EFEMP1: variants seen among roughly 807,000 people sequenced by gnomAD.
The protein encoded by EFEMP1 is EGF-like fibulin extracellular matrix protein 1, also known as EGF-containing fibulin-like extracellular matrix protein 1.
In EFEMP1, 18 loss-of-function variants were observed where a neutral mutation model predicts 65.7. The ratio of observed to expected loss-of-function variants is 0.27; its 90% CI spans 0.19 to 0.41. EFEMP1 has a LOEUF of 0.41. Among genes scored for constraint, EFEMP1 ranks in the 10% least tolerant of loss-of-function variants. The pLI is 1.00. For missense variants in EFEMP1, 469 were observed against 624.8 expected (o/e 0.75, Z 2.66); for synonymous variants, 237 against 219.7 (o/e 1.08, Z -0.70).
At position 55,875,043 on chromosome 2, in the gene EFEMP1, T is replaced by C. The variant is rs1488108604; in HGVS notation, c.903A>G (p.Ser301=). ...NCEDIDECRT[S]SYLCQYQCVN... is the part of the protein sequence containing the mutation. ...CACATTGATATTGACACAGGTAGCT[T>C]GAGGTTCTGCATTCATCAATGTCTG... The change falls in exon 9 of 12, where the codon TCA becomes TCG. Residue 301 remains serine (S), a synonymous_variant. Transcript: ENST00000355426. The C allele has an allele frequency of 1.2e-6, 2 of 1,605,068 alleles. No individual in the cohort carries two copies. The highest frequency in any genetic ancestry group is 1.7e-6 in the Non-Finnish European group (2 of 1,174,908).
In EFEMP1 at chr2:55,877,835, C is replaced by A; in HGVS notation, c.671G>T (p.Cys224Phe). The change falls in exon 7 of 12, where the codon TGC becomes TTC. Residue 224 changes from cysteine to phenylalanine, a missense_variant. Coordinates refer to ENST00000355426, the MANE Select transcript of EFEMP1 (RefSeq NM_001039348.3). The surrounding 1 kb of genome is among the most constrained non-coding windows in gnomAD (Gnocchi z 4.5). Reference protein sequence around the residue: ...DIDECTIPPYCHQRCVNTPGS... With the variant: ...DIDECTIPPYFHQRCVNTPGS... The stretch of plus-strand genomic sequence containing the variant: ...TGGTGTATTCACGCATCTTTGGTGG[C>A]AATATGGAGGGATGGTACATTCATC... 1 of 1,613,102 alleles carries A rather than the reference C, an allele frequency of 6.2e-7. No homozygotes were observed. Among genetic ancestry groups the A allele is most frequent in the Non-Finnish European group, 8.5e-7 (1 of 1,179,294 alleles).
At chr2:55,898,098 G>A (rs1669896805) in intron 5 of EFEMP1, among the ~76,000 whole-genome samples, 1 of 152,110 alleles carries the variant, frequency 6.6e-6, no homozygotes, top group South Asian at 2.1e-4. Context: ...TACGATTAAC[G>A]AACATTTTAC....
intron 5 of EFEMP1, among the ~76,000 whole-genome samples, chr2:55,899,956 T>C (rs3791664): frequency 0.24 from 35,988 of 151,508 alleles, 4,587 homozygotes; most frequent in East Asian, 0.56. Context: ...AACTCTGGTT[T>C]CAGTTTAATT....
Position 55,922,553 on chromosome 2 carries a change from G to C in EFEMP1, c.-7-106C>G. On this transcript the variant is annotated intron_variant, in intron 2 of 11. Transcript: ENST00000355426. This position sits in a 1 kb window ranked among gnomAD's most constrained non-coding sequence, Gnocchi z 5.5. ...AGGAAAGGAGGGTGGGAGAGGCTGA[G>C]GCTCCACCATACTCAACTTCCAATC... is the stretch of plus-strand genomic sequence containing the variant. 2.0e-6 allele frequency: 2 copies of C among 1,016,854 alleles called. No individual in the cohort carries two copies. Among genetic ancestry groups the C allele is most frequent in the East Asian group, 2.5e-5 (1 of 39,894 alleles). The allele number at this position is 1,016,854 out of a possible 1,614,324, so 63.0% of individuals were successfully genotyped here. A position where few individuals can be genotyped will look rare whatever the true frequency, so the allele number is the denominator to read the frequency against.
intron 5 of EFEMP1, among the ~76,000 whole-genome samples, chr2:55,894,974 C>T (rs553343548): frequency 1.3e-5 from 2 of 152,178 alleles, no homozygotes; most frequent in Non-Finnish European, 2.9e-5. Flanking sequence ...TGCATTTGCC[C>T]CTGAGACCAT....
intron 5 of EFEMP1, among the ~76,000 whole-genome samples, chr2:55,888,260 A>G (rs1228969943): frequency 6.6e-6 from 1 of 151,842 alleles, no homozygotes; most frequent in African/African-American, 2.4e-5. Flanking sequence ...ATGATTGTTA[A>G]TTGTTAGGAG....
At chr2:55,905,001 T>G (rs1206078382) in intron 5 of EFEMP1, among the ~76,000 whole-genome samples, 5 of 131,812 alleles carry the variant, frequency 3.8e-5, no homozygotes, top group Admixed American at 7.8e-5. Flanking sequence ...TTTTTTTTTT[T>G]GCTGAGCAAC....
Position 55,914,315 on chromosome 2 carries a change from A to G in EFEMP1, c.517+3350T>C, listed in dbSNP as rs548436921. ...CCTCATTTAGCAAAAAATTACCTGA[A>G]AAAAACCTGCTCACTGTGACCTGAT... On this transcript the variant is annotated intron_variant, in intron 5 of 11. Coordinates refer to ENST00000355426, the MANE Select transcript of EFEMP1 (RefSeq NM_001039348.3). Among the ~76,000 whole-genome samples, 16 of 152,326 alleles carry G rather than the reference A, an allele frequency of 1.1e-4. No homozygotes were observed. In the South Asian group the frequency reaches 2.1e-3, roughly 20 times the overall value.
At chr2:55,901,401 T>G (rs1670026263) in intron 5 of EFEMP1, among the ~76,000 whole-genome samples, 1 of 152,174 alleles carries the variant, frequency 6.6e-6, no homozygotes, top group Admixed American at 6.5e-5. Context: ...GATGGAATCA[T>G]TTATGAGTGT....
chr2:55,921,738 C>T lies in EFEMP1; in HGVS notation c.81+622G>A, dbSNP rs568288589. Among the ~76,000 whole-genome samples, 22 of 152,274 alleles carry T rather than the reference C, an allele frequency of 1.4e-4. No individual in the cohort carries two copies. In the East Asian group the frequency reaches 2.7e-3, roughly 19 times the overall value. ...AAATATTACTTGGAAATATCAGAGA[C>T]GCTAATTAGAAAATGCAAAACGGAG... On this transcript the variant is annotated intron_variant, in intron 3 of 11. Coordinates refer to ENST00000355426, the MANE Select transcript of EFEMP1 (RefSeq NM_001039348.3). This position sits in a 1 kb window ranked among gnomAD's most constrained non-coding sequence, Gnocchi z 4.1.
intron 8 of EFEMP1, 49 bp downstream of exon 8, chr2:55,876,574 C>G: frequency 6.2e-7 from 1 of 1,601,806 alleles, no homozygotes. Flanking sequence ...AAAACAACAG[C>G]AGTCACAGGA....
chr2:55,914,591 T>C (rs1283865754), intron 5 of EFEMP1, among the ~76,000 whole-genome samples: 1 of 152,250 alleles, frequency 6.6e-6, no homozygotes, highest in Non-Finnish European at 1.5e-5. Context: ...TGAAACACAG[T>C]ACAGATTTCA....
chr2:55,908,535 TTAA>T (rs1284615541), intron 5 of EFEMP1, among the ~76,000 whole-genome samples: 2 of 152,088 alleles, frequency 1.3e-5, no homozygotes, highest in African/African-American at 4.8e-5. Flanking sequence ...GTGACTATAG[TTAA>T]TAATAATATG....
intron 5 of EFEMP1, among the ~76,000 whole-genome samples, chr2:55,891,672 G>C (rs1303503163): frequency 6.6e-6 from 1 of 152,028 alleles, no homozygotes; most frequent in African/African-American, 2.4e-5. Flanking sequence ...ATTGTAAGTG[G>C]TTATTTATTC....
intron 5 of EFEMP1, among the ~76,000 whole-genome samples, chr2:55,901,513 C>T (rs1670030221): frequency 6.6e-6 from 1 of 152,160 alleles, no homozygotes; most frequent in Non-Finnish European, 1.5e-5. Flanking sequence ...TCTTCTTTGC[C>T]TGTGCTACTG....
At chr2:55,895,458 C>A (rs1373782451) in intron 5 of EFEMP1, among the ~76,000 whole-genome samples, 1 of 152,212 alleles carries the variant, frequency 6.6e-6, no homozygotes, top group Non-Finnish European at 1.5e-5. Context: ...AGTAAAGACT[C>A]CCCTTGGGGG....
At chr2:55,875,453 C>G (rs937840274) in intron 8 of EFEMP1, among the ~76,000 whole-genome samples, 1 of 151,732 alleles carries the variant, frequency 6.6e-6, no homozygotes. Flanking sequence ...ATTGCAAATT[C>G]TGAAATAGAA....
intron 5 of EFEMP1, among the ~76,000 whole-genome samples, chr2:55,915,638 T>C (rs1287939614): frequency 6.6e-6 from 1 of 152,114 alleles, no homozygotes; most frequent in Non-Finnish European, 1.5e-5. Flanking sequence ...TTTTTTTTTC[T>C]CCCAAGTACC....
chr2:55,879,762 C>A (rs1669171490), intron 6 of EFEMP1, among the ~76,000 whole-genome samples: 1 of 152,094 alleles, frequency 6.6e-6, no homozygotes, highest in African/African-American at 2.4e-5. Flanking sequence ...TTGGACCAGT[C>A]TGCAATGAAT....
Sources: allele counts gnomAD v4.1 joint callset (sites outside exome capture counted in the v4.1 genomes callset), GRCh38; gene constraint gnomAD v4.1.1; non-coding constraint Gnocchi (gnomAD v3.1); transcripts MANE v1.5; gene names NCBI Gene and HGNC (gene_info 2026-07-23, HGNC 2026-07-21).